The following EPHA5 variants were observed in gnomAD, a reference collection of about 807,000 sequenced individuals.
EPHA5 encodes the protein EPH receptor A5, also known as ephrin type-A receptor 5.
In EPHA5, 60 loss-of-function variants were observed where a neutral mutation model predicts 105.0. The ratio of observed to expected loss-of-function variants is 0.57; its 90% confidence interval spans 0.46 to 0.71. EPHA5 has a LOEUF of 0.71. Among genes scored for constraint, EPHA5 ranks in the 30% least tolerant of loss-of-function variants. The pLI, the probability that EPHA5 is intolerant of heterozygous loss-of-function variation, is 0.00. For synonymous variants in EPHA5, 513 were observed against 449.1 expected (o/e 1.14, Z -1.80); for missense variants, 1,218 against 1,274.7 (o/e 0.96, Z 0.68).
chr4:65,425,684 G>C (rs1016045180), intron 5 of EPHA5, among the ~76,000 whole-genome samples: 1 of 151,882 alleles, frequency 6.6e-6, no homozygotes, highest in African/African-American at 2.4e-5. Context: ...GAAAGCTGAG[G>C]CTGAAAGTTG....
chr4:65,398,721 T>C lies in EPHA5; in HGVS notation c.1793+5653A>G, dbSNP rs554391850. Among the ~76,000 whole-genome samples, 17 of 152,144 alleles carry C rather than the reference T, an allele frequency of 1.1e-4. No homozygotes were observed. In the South Asian group the frequency reaches 3.5e-3, roughly 32 times the overall value. On this transcript the variant is annotated intron_variant, in intron 8 of 16. Transcript: ENST00000613740. ...ATAGGAGCTACCCACTCTGGGTCTA[T>C]TCTCCACTAAGGGCTTCAGATATTG...
At chr4:65,616,040 C>T (rs58450879) in intron 2 of EPHA5, among the ~76,000 whole-genome samples, 35,150 of 151,600 alleles carry the variant, frequency 0.23, 4,263 homozygotes, top group Non-Finnish European at 0.25. Flanking sequence ...GCCTATGTGA[C>T]CTTCAGTGAG....
chr4:65,341,997 G>C (rs1473500642), intron 14 of EPHA5, among the ~76,000 whole-genome samples: 2 of 152,078 alleles, frequency 1.3e-5, no homozygotes, highest in Non-Finnish European at 2.9e-5. Flanking sequence ...AGTTATTAAA[G>C]ATATATTATG....
intron 8 of EPHA5, among the ~76,000 whole-genome samples, chr4:65,400,731 G>A (rs1361865774): frequency 1.3e-5 from 2 of 152,076 alleles, no homozygotes; most frequent in South Asian, 2.1e-4. Flanking sequence ...ACAATACCCA[G>A]TGTGTCATCA....
chr4:65,363,568 C>T (rs1274264896), intron 11 of EPHA5, among the ~76,000 whole-genome samples: 1 of 151,314 alleles, frequency 6.6e-6, no homozygotes, highest in Non-Finnish European at 1.5e-5. Context: ...AACGGGATGT[C>T]ATAGTGAGAG....
At chr4:65,584,239 T>C (rs927825500) in intron 3 of EPHA5, among the ~76,000 whole-genome samples, 2 of 151,942 alleles carry the variant, frequency 1.3e-5, no homozygotes, top group South Asian at 2.1e-4. Flanking sequence ...CAAAATATAA[T>C]GTGTTTCTCT....
At chr4:65,447,721 C>T (rs1290958007) in intron 5 of EPHA5, among the ~76,000 whole-genome samples, 2 of 151,684 alleles carry the variant, frequency 1.3e-5, no homozygotes, top group African/African-American at 2.4e-5. Flanking sequence ...AAAGTGCATT[C>T]ATTGGACAGG....
intron 14 of EPHA5, among the ~76,000 whole-genome samples, chr4:65,342,514 G>T (rs1343466316): frequency 6.6e-6 from 1 of 151,340 alleles, no homozygotes; most frequent in Non-Finnish European, 1.5e-5. Context: ...TATAATATAA[G>T]CAATATACAT....
At chr4:65,577,212 C>T (rs534662411) in intron 3 of EPHA5, among the ~76,000 whole-genome samples, 66 of 152,122 alleles carry the variant, frequency 4.3e-4, no homozygotes, top group Middle Eastern at 3.4e-3. Flanking sequence ...GATTTCTTTA[C>T]GGGTGCACTT....
At chr4:65,388,576 G>A (rs1560482680) in intron 8 of EPHA5, among the ~76,000 whole-genome samples, 2 of 151,956 alleles carry the variant, frequency 1.3e-5, no homozygotes, top group South Asian at 2.1e-4. Context: ...CAGTGATGAT[G>A]AGTATTTTTT....
chr4:65,454,783 T>C (rs570802770), intron 5 of EPHA5, among the ~76,000 whole-genome samples: 2 of 152,310 alleles, frequency 1.3e-5, no homozygotes, highest in South Asian at 4.1e-4. Flanking sequence ...TGGAAGTGCA[T>C]TCAAAATTGC....
chr4:65,545,929 T>C (rs1737327592), intron 3 of EPHA5, among the ~76,000 whole-genome samples: 1 of 151,936 alleles, frequency 6.6e-6, no homozygotes, highest in South Asian at 2.1e-4. Flanking sequence ...TGATGAAATG[T>C]CCCATTTACT....
chr4:65,632,780 T>A (rs745577865), intron 2 of EPHA5, among the ~76,000 whole-genome samples: 6 of 152,080 alleles, frequency 3.9e-5, no homozygotes, highest in Non-Finnish European at 7.4e-5. Context: ...ATAATTGCTA[T>A]ATTGATTCAT....
chr4:65,506,493 G>T (rs113286749), intron 3 of EPHA5, among the ~76,000 whole-genome samples: 4 of 144,544 alleles, frequency 2.8e-5, no homozygotes, highest in African/African-American at 7.7e-5. Flanking sequence ...CTATTTCTCC[G>T]CATCCTCTCC....
chr4:65,661,621 C>A (rs576468083), intron 1 of EPHA5, among the ~76,000 whole-genome samples: 1 of 152,210 alleles, frequency 6.6e-6, no homozygotes, highest in Admixed American at 6.5e-5. Context: ...GTCAGCCTCA[C>A]CTTTTCTGCT....
In EPHA5 at chr4:65,647,330, A is replaced by C. The variant is rs1173328326; in HGVS notation, c.182-3903T>G. 3.3e-3 allele frequency among the ~76,000 whole-genome samples: 110 copies of C among 32,918 alleles called. 1 individual carries two copies. The highest frequency in any genetic ancestry group is 0.01 in the African/African-American group (104 of 10,176). The allele number at this position is 32,918 out of a possible 152,430, so 21.6% of individuals were successfully genotyped here. On this transcript the variant is annotated intron_variant, in intron 1 of 16. Transcript: ENST00000613740. ...GGCGACAGAGCAAGACTCTGTCTCA[A>C]AAAAAAAAAAAAAAAAAAAAAAGAA...
chr4:65,495,438 T>A lies in EPHA5; in HGVS notation c.1016A>T (p.Glu339Val). ...AGACTCTCTCCTGAAATAATCCTTTTCACAGACACAAGAGGTTGAAGCTTC... is the reference window on the plus strand; with the variant it reads ...AGACTCTCTCCTGAAATAATCCTTTACACAGACACAAGAGGTTGAAGCTTC... The part of the protein sequence containing the change: ...HEEASTSCVC[E>V]KDYFRRESDP... The change falls in exon 4 of 17, where the codon GAA (glutamate) becomes GTA (valine). Residue 339 changes from glutamate (E) to valine (V), a missense_variant. Physicochemically the swap from Glu to Val is moderately radical, Grantham distance 121 (BLOSUM62 -2). Transcript: ENST00000613740. 6.2e-7 allele frequency: 1 copy of A among 1,613,884 alleles called. No individual in the cohort carries two copies. The highest frequency in any genetic ancestry group is 1.1e-5 in the South Asian group (1 of 91,058).
At chr4:65,391,429 C>G (rs895128471) in intron 8 of EPHA5, among the ~76,000 whole-genome samples, 3 of 152,078 alleles carry the variant, frequency 2.0e-5, no homozygotes, top group Non-Finnish European at 2.9e-5. Context: ...AAGCACAGAT[C>G]TTGAACAAAT....
At chr4:65,450,206 TGTGA>T (rs1386086365) in intron 5 of EPHA5, among the ~76,000 whole-genome samples, 2 of 152,110 alleles carry the variant, frequency 1.3e-5, no homozygotes, top group Non-Finnish European at 2.9e-5. Context: ...ATGGAGAGAT[TGTGA>T]GAGAGAAGAA....
Sources: allele counts gnomAD v4.1 joint callset (sites outside exome capture counted in the v4.1 genomes callset), GRCh38; gene constraint gnomAD v4.1.1; transcripts MANE v1.5; gene names NCBI Gene and HGNC (gene_info 2026-07-23, HGNC 2026-07-21).